Variants in BNC2 observed in about 807,000 individuals in gnomAD.
The protein encoded by BNC2 is basonuclin zinc finger protein 2.
In BNC2, 20 loss-of-function variants were observed where a neutral mutation model predicts 76.3. The observed-to-expected ratio is 0.26, with a 90% CI of 0.18 to 0.38. BNC2 has a LOEUF of 0.38. BNC2 is among the 10% of genes least tolerant of loss of function. The pLI, the probability that BNC2 is intolerant of heterozygous loss-of-function variation, is 1.00. For missense variants in BNC2, 1,382 were observed against 1,399.8 expected (o/e 0.99, Z 0.20); for synonymous variants, 582 against 514.8 (o/e 1.13, Z -1.77).
chr9:16,672,480 G>C (rs922848728), intron 3 of BNC2, among the ~76,000 whole-genome samples: 3 of 151,680 alleles, frequency 2.0e-5, no homozygotes, highest in Non-Finnish European at 2.9e-5. Context: ...CTGGGCGACA[G>C]AGCAAGATCC....
intron 1 of BNC2, among the ~76,000 whole-genome samples, chr9:16,814,655 A>G (rs1266305603): frequency 6.6e-6 from 1 of 152,238 alleles, no homozygotes; most frequent in Admixed American, 6.5e-5. Context: ...AATGTTTGAG[A>G]TAACAGATAT....
chr9:16,864,928 C>G (rs1203356299), intron 1 of BNC2, among the ~76,000 whole-genome samples: 2 of 151,372 alleles, frequency 1.3e-5, no homozygotes, highest in Non-Finnish European at 2.9e-5. Context: ...GAGCAGAGAT[C>G]CTTGGCTCAA....
intron 5 of BNC2, among the ~76,000 whole-genome samples, chr9:16,445,066 A>G (rs1369051659): frequency 6.6e-6 from 1 of 152,126 alleles, no homozygotes; most frequent in Non-Finnish European, 1.5e-5. Flanking sequence ...CAAGATGGGG[A>G]GAAGAATAAA....
At chr9:16,701,781 A>G (rs959683681) in intron 3 of BNC2, among the ~76,000 whole-genome samples, 24 of 151,646 alleles carry the variant, frequency 1.6e-4, no homozygotes, top group African/African-American at 5.6e-4. Context: ...GTCTCTACTG[A>G]AAATACAAAA....
At chr9:16,783,591 C>G (rs1826208115) in intron 1 of BNC2, among the ~76,000 whole-genome samples, 1 of 152,138 alleles carries the variant, frequency 6.6e-6, no homozygotes, top group South Asian at 2.1e-4. Flanking sequence ...ATTGATTTAG[C>G]TTTAAGATAT....
chr9:16,870,612 G>A, intron 1 of BNC2, 34 bp downstream of exon 1: 4 of 1,609,348 alleles, frequency 2.5e-6, no homozygotes, highest in South Asian at 1.1e-5. Context: ...AGGAAGTCTA[G>A]AATAAAAGAG....
In BNC2 at chr9:16,418,718, A is replaced by G. The variant is rs1224843410; in HGVS notation, c.*271T>C. ...TGTGCATGTGTGTGTGTGTGTGTTT[A>G]AAGGGGTACTCTGTTTTCACCCTGA... On this transcript the variant is annotated 3_prime_UTR_variant, in exon 7 of 7. Transcript: ENST00000380672. The G allele has an allele frequency of 4.8e-6, 2 of 418,752 alleles. No homozygotes were observed. Among genetic ancestry groups the G allele is most frequent in the Non-Finnish European group, 8.8e-6 (2 of 228,172 alleles). The allele number at this position is 418,752 out of a possible 1,614,324, so 25.9% of individuals were successfully genotyped here.
rs181797373 is a variant in BNC2, at chr9:16,435,844, C to T, written c.2350G>A (p.Asp784Asn). 3.1e-6 allele frequency: 5 copies of T among 1,613,930 alleles called. No individual in the cohort carries two copies. The highest frequency in any genetic ancestry group is 2.2e-5 in the East Asian group (1 of 44,860). ...VKEEFTDPTY[D>N]MFYMSQYGLY... Reference sequence around the variant, plus strand: ...CCATACTGGCTCATGTAAAACATGTCGTAAGTGGGGTCTGTAAATTCTTCC... The same window carrying T: ...CCATACTGGCTCATGTAAAACATGTTGTAAGTGGGGTCTGTAAATTCTTCC... Residue 784 changes from aspartate (D) to asparagine (N), a missense_variant, in exon 6 of 7, where the codon GAC (aspartate) becomes AAC (asparagine). Coordinates refer to ENST00000380672, the MANE Select transcript of BNC2 (RefSeq NM_017637.6).
intron 3 of BNC2, among the ~76,000 whole-genome samples, chr9:16,719,448 G>T (rs912200109): frequency 1.3e-5 from 2 of 152,106 alleles, no homozygotes; most frequent in Non-Finnish European, 2.9e-5. Flanking sequence ...CATGTAAAAC[G>T]TTCACTAACC....
At chr9:16,579,056 G>A (rs1819560590) in intron 4 of BNC2, among the ~76,000 whole-genome samples, 1 of 152,118 alleles carries the variant, frequency 6.6e-6, no homozygotes, top group Non-Finnish European at 1.5e-5. Flanking sequence ...AAAGAGCTAA[G>A]ATTCCTTAAT....
rs1428938209 is a variant in BNC2, at chr9:16,413,697, G to C, written c.*5292C>G. 2 of 152,142 alleles carry C rather than the reference G, an allele frequency of 1.3e-5. No individual in the cohort carries two copies. Among genetic ancestry groups the C allele is most frequent in the Admixed American group, 1.3e-4 (2 of 15,272 alleles). The allele number at this position is 152,142 out of a possible 1,614,324, so 9.4% of individuals were successfully genotyped here. A position where few individuals can be genotyped will look rare whatever the true frequency, so the allele number is the denominator to read the frequency against. The stretch of plus-strand genomic sequence containing the variant: ...GCAACACTCCAGCTACAGGAAATAT[G>C]CGACTCGTCTGGGACAGATCAAACA... On this transcript the variant is annotated 3_prime_UTR_variant, in exon 7 of 7. Coordinates refer to ENST00000380672, the MANE Select transcript of BNC2 (RefSeq NM_017637.6).
intron 2 of BNC2, among the ~76,000 whole-genome samples, chr9:16,736,668 G>A (rs554421904): frequency 6.6e-6 from 1 of 151,450 alleles, no homozygotes; most frequent in Non-Finnish European, 1.5e-5. Flanking sequence ...TAGAGACGGG[G>A]TTTCAACATG....
Position 16,419,042 on chromosome 9 carries a change from G to A in BNC2, c.3247C>T (p.His1083Tyr). The A allele has an allele frequency of 6.2e-7, 1 of 1,614,160 alleles. No homozygotes were observed. The highest frequency in any genetic ancestry group is 1.7e-5 in the Admixed American group (1 of 60,030). Reference sequence around the variant, plus strand: ...TTGTGGAGATTAGGGTTCTGACTGTGCCGATTTCGGCTTCGTACAGAGGAA... The same window carrying A: ...TTGTGGAGATTAGGGTTCTGACTGTACCGATTTCGGCTTCGTACAGAGGAA... ...MFSSVRSRNR[H>Y]SQNPNLHKNI... The change falls in exon 7 of 7, where the codon CAC becomes TAC. Residue 1083 changes from histidine (H) to tyrosine (Y), a missense_variant. By Grantham distance (83) the His-to-Tyr change is moderately conservative. Coordinates refer to ENST00000380672, the MANE Select transcript of BNC2 (RefSeq NM_017637.6).
At chr9:16,633,701 A>G (rs765254554) in intron 3 of BNC2, among the ~76,000 whole-genome samples, 2 of 152,192 alleles carry the variant, frequency 1.3e-5, no homozygotes, top group Non-Finnish European at 2.9e-5. Flanking sequence ...GTATATCGTA[A>G]CATCGTGACA....
chr9:16,420,374 T>C (rs1820685011), intron 6 of BNC2, among the ~76,000 whole-genome samples: 2 of 152,182 alleles, frequency 1.3e-5, no homozygotes, highest in African/African-American at 4.8e-5. Context: ...TAGAAGTATG[T>C]GCATTTTAGT....
At chr9:16,756,851 C>A (rs918347968) in intron 1 of BNC2, among the ~76,000 whole-genome samples, 11 of 151,982 alleles carry the variant, frequency 7.2e-5, no homozygotes, top group African/African-American at 2.4e-4. Context: ...ATTAACCGGG[C>A]ATGGTGGCAG....
intron 3 of BNC2, among the ~76,000 whole-genome samples, chr9:16,673,210 T>C (rs188563249): frequency 6.6e-6 from 1 of 152,300 alleles, no homozygotes; most frequent in African/African-American, 2.4e-5. Context: ...GAAAAACCTT[T>C]GTTTATTCAA....
intron 5 of BNC2, among the ~76,000 whole-genome samples, chr9:16,477,798 G>C (rs905503070): frequency 6.6e-6 from 1 of 152,044 alleles, no homozygotes; most frequent in African/African-American, 2.4e-5. Context: ...CTTTCAAAAG[G>C]ACAGGCATCC....
At chr9:16,845,399 G>A (rs1014968370) in intron 1 of BNC2, among the ~76,000 whole-genome samples, 2 of 152,138 alleles carry the variant, frequency 1.3e-5, no homozygotes, top group African/African-American at 4.8e-5. Flanking sequence ...ATACGCATTA[G>A]AAAGAAACCA....
Sources: allele counts gnomAD v4.1 joint callset (sites outside exome capture counted in the v4.1 genomes callset), GRCh38; gene constraint gnomAD v4.1.1; transcripts MANE v1.5; gene names NCBI Gene and HGNC (gene_info 2026-07-23, HGNC 2026-07-21).